PRICKLE2: variants seen among roughly 807,000 people sequenced by gnomAD.
PRICKLE2 encodes prickle planar cell polarity protein 2.
A neutral mutation model predicts 81.4 loss-of-function variants in PRICKLE2; 21 were observed. The ratio of observed to expected loss-of-function variants is 0.26; its 90% CI spans 0.18 to 0.37. PRICKLE2 has a LOEUF of 0.37. Ranked by LOEUF, PRICKLE2 falls within the 10% of genes least tolerant of loss-of-function variation. PRICKLE2 has a pLI of 1.00. For synonymous variants in PRICKLE2, 456 were observed against 421.5 expected, an observed-to-expected ratio of 1.08 and a Z score of -1.00; for missense variants, 940 against 1,109.0, an observed-to-expected ratio of 0.85 and a Z score of 2.16.
intron 2 of PRICKLE2, among the ~76,000 whole-genome samples, chr3:64,197,220 T>A (rs2078471783): frequency 6.6e-6 from 1 of 152,228 alleles, no homozygotes; most frequent in Non-Finnish European, 1.5e-5. Context: ...GCAATGAACA[T>A]ACGTGTGCAT....
chr3:64,180,102 G>A (rs901102221), intron 2 of PRICKLE2, among the ~76,000 whole-genome samples: 9 of 152,176 alleles, frequency 5.9e-5, no homozygotes, highest in Admixed American at 5.2e-4. Flanking sequence ...GCATTATTGA[G>A]TAATGTGCAT....
chr3:64,216,177 TAG>T (rs2078868964), intron 1 of PRICKLE2, among the ~76,000 whole-genome samples: 1 of 152,246 alleles, frequency 6.6e-6, no homozygotes, highest in African/African-American at 2.4e-5. Context: ...CATTAACCTG[TAG>T]AGATTTCTCT....
chr3:64,162,896 A>G (rs1236643570), intron 3 of PRICKLE2, 120 bp downstream of exon 3: 4 of 796,886 alleles, frequency 5.0e-6, no homozygotes, highest in Non-Finnish European at 9.2e-6. Context: ...GGAAGCTAAA[A>G]CCTAAAATAA....
chr3:64,142,126 C>T (rs1349950190), intron 7 of PRICKLE2, among the ~76,000 whole-genome samples: 2 of 152,062 alleles, frequency 1.3e-5, no homozygotes, highest in Admixed American at 6.5e-5. Flanking sequence ...TATGTAGGGT[C>T]TGCTCCAATG....
At chr3:64,116,548 T>C (rs958863233) in intron 7 of PRICKLE2, among the ~76,000 whole-genome samples, 1 of 152,040 alleles carries the variant, frequency 6.6e-6, no homozygotes, top group African/African-American at 2.4e-5. Context: ...TAAACAACCA[T>C]CAGAGAATAT....
At position 64,150,890 on chromosome 3, in the gene PRICKLE2, G is replaced by A. The variant is rs144109202; in HGVS notation, c.787+2292C>T. Among the ~76,000 whole-genome samples the A allele has an allele frequency of 4.4e-3, 673 of 152,300 alleles. 5 individuals carry two copies. Among genetic ancestry groups the A allele is most frequent in the African/African-American group, 0.015 (630 of 41,562 alleles). ...CAGAACGTGGTCCCCGATAAACATC[G>A]ATGTCAGATGGTCCTCTGAACTGCT... On this transcript the variant is annotated intron_variant, in intron 6 of 7. Coordinates refer to ENST00000638394, the MANE Select transcript of PRICKLE2 (RefSeq NM_198859.4).
At chr3:64,212,835 C>T (rs1358953505) in intron 1 of PRICKLE2, among the ~76,000 whole-genome samples, 1 of 152,148 alleles carries the variant, frequency 6.6e-6, no homozygotes, top group Admixed American at 6.5e-5. Context: ...ATTTAGGGTT[C>T]TTGTTCTCTA....
At chr3:64,105,412 C>T (rs536568691) in intron 7 of PRICKLE2, among the ~76,000 whole-genome samples, 8 of 152,192 alleles carry the variant, frequency 5.3e-5, no homozygotes, top group Non-Finnish European at 8.8e-5. Context: ...CCCTTTGGTG[C>T]TCAATACATA....
chr3:64,243,006 CA>C (rs774424859), intron 2 of PRICKLE2, among the ~76,000 whole-genome samples: 2 of 152,146 alleles, frequency 1.3e-5, no homozygotes, highest in East Asian at 3.9e-4. Flanking sequence ...GTGATGGCCC[CA>C]AAGAAAAACA....
intron 5 of PRICKLE2, chr3:64,154,043 C>A (rs1370288554): frequency 6.5e-6 from 1 of 153,684 alleles, no homozygotes. Flanking sequence ...ATCAAGCCAG[C>A]ATGGCACTGG....
At chr3:64,175,654 G>A (rs1042450666) in intron 2 of PRICKLE2, among the ~76,000 whole-genome samples, 1 of 152,008 alleles carries the variant, frequency 6.6e-6, no homozygotes, top group African/African-American at 2.4e-5. Context: ...TCTAGATATT[G>A]ACTGGTATAA....
intron 1 of PRICKLE2, among the ~76,000 whole-genome samples, chr3:64,213,552 T>A (rs2107139089): frequency 6.6e-6 from 1 of 152,144 alleles, no homozygotes; most frequent in East Asian, 1.9e-4. Context: ...TCTTTATAGA[T>A]GAAGAAAGTG....
chr3:64,262,369 G>C (rs73832146), intron 2 of PRICKLE2, among the ~76,000 whole-genome samples: 2 of 152,130 alleles, frequency 1.3e-5, no homozygotes, highest in African/African-American at 2.4e-5. Context: ...CACAGTCAAG[G>C]CTTAAGGAAA....
chr3:64,247,183 G>A (rs2079370831), intron 2 of PRICKLE2, among the ~76,000 whole-genome samples: 1 of 152,088 alleles, frequency 6.6e-6, no homozygotes, highest in African/African-American at 2.4e-5. Flanking sequence ...TAGCAGGCCA[G>A]GCTCCCTGAA....
At chr3:64,223,252 T>C (rs1332626288) in intron 1 of PRICKLE2, among the ~76,000 whole-genome samples, 4 of 152,230 alleles carry the variant, frequency 2.6e-5, no homozygotes, top group African/African-American at 9.6e-5. Flanking sequence ...ATATTTACTA[T>C]GTGGCTGCCA....
intron 1 of PRICKLE2, among the ~76,000 whole-genome samples, chr3:64,215,950 T>G (rs1203839591): frequency 6.6e-6 from 1 of 152,216 alleles, no homozygotes; most frequent in Non-Finnish European, 1.5e-5. Flanking sequence ...CAATAAAAAC[T>G]ATCTGAGAGA....
At chr3:64,118,714 T>A (rs2076978759) in intron 7 of PRICKLE2, among the ~76,000 whole-genome samples, 1 of 106,124 alleles carries the variant, frequency 9.4e-6, no homozygotes. Context: ...TGGCTATTCT[T>A]AAAAAGGCAA....
At chr3:64,185,371 T>C (rs1218484780) in intron 2 of PRICKLE2, among the ~76,000 whole-genome samples, 1 of 152,176 alleles carries the variant, frequency 6.6e-6, no homozygotes, top group Non-Finnish European at 1.5e-5. Flanking sequence ...TTAGAAAAAG[T>C]CAGTCCCCAA....
At chr3:64,130,475 T>C (rs2077180196) in intron 7 of PRICKLE2, among the ~76,000 whole-genome samples, 1 of 152,200 alleles carries the variant, frequency 6.6e-6, no homozygotes, top group Non-Finnish European at 1.5e-5. Context: ...CTAGACTCTC[T>C]GCAATTTCTA....
Sources: gnomAD v4.1 joint callset for allele counts (sites outside exome capture counted in the v4.1 genomes callset) on GRCh38, gnomAD v4.1.1 for gene constraint, MANE v1.5 for transcripts, NCBI Gene and HGNC (gene_info 2026-07-23, HGNC 2026-07-21) for gene names.